Variants in TUT4 observed in about 807,000 individuals in gnomAD.
The protein encoded by TUT4 is terminal uridylyl transferase 4.
In TUT4, 36 loss-of-function variants were observed where a neutral mutation model predicts 192.2. That is an observed-to-expected ratio of 0.19 (90% CI 0.14 to 0.25). The LOEUF is 0.25. Among genes scored for constraint, TUT4 ranks in the 10% least tolerant of loss-of-function variants. The probability of loss-of-function intolerance (pLI) is 1.00; values close to 1 mark genes in which losing one functional copy is unlikely to be tolerated. For synonymous variants in TUT4, 618 were observed against 666.0 expected, an observed-to-expected ratio of 0.93 and a Z score of 1.11; for missense variants, 1,493 against 1,957.2, an observed-to-expected ratio of 0.76 and a Z score of 4.47.
chr1:52,512,548 G>A (rs1253006822), intron 3 of TUT4, among the ~76,000 whole-genome samples: 1 of 152,042 alleles, frequency 6.6e-6, no homozygotes, highest in East Asian at 1.9e-4. Context: ...TTCGTGCAAG[G>A]CACATATTGG....
rs71579929 is a variant in TUT4 at position 52,466,645 on chromosome 1, CAAA to C, written c.2966-1475_2966-1473del. On this transcript the variant is annotated intron_variant, in intron 15 of 29. Coordinates refer to ENST00000257177, the MANE Select transcript of TUT4 (RefSeq NM_001009881.3). ...CGGGTGACAGAGTAATATCCTATTT[CAAA>C]AAAAAAAAAAAATATATATATATAT... Among the ~76,000 whole-genome samples the C allele has an allele frequency of 4.8e-3, 569 of 118,302 alleles. 2 individuals carry two copies. Among genetic ancestry groups the C allele is most frequent in the South Asian group, 0.013 (47 of 3,690 alleles). 77.6% of individuals were successfully genotyped at this position (118,302 alleles called of 152,430 possible).
rs753033344 is a variant in TUT4, at chr1:52,477,785, T to C, written c.1946A>G (p.Tyr649Cys). 5.6e-6 allele frequency: 9 copies of C among 1,613,956 alleles called. No homozygotes were observed. The highest frequency in any genetic ancestry group is 7.6e-6 in the Non-Finnish European group (9 of 1,179,980). The change falls in exon 12 of 30, where the codon TAT becomes TGT. Residue 649 changes from tyrosine (Y) to cysteine (C), a missense_variant. By Grantham distance (194) the Tyr-to-Cys change is radical. This residue lies in a region of TUT4 where 437 missense variants were observed against 577.6 expected (regional missense o/e 0.76). Coordinates refer to ENST00000257177, the MANE Select transcript of TUT4 (RefSeq NM_001009881.3). ...FYTLDFALEE[Y>C]VICVRIQDIL... ...ATCTTGTATCCGTACACATATGACATATTCCTCCAAAGCAAAATCCAGTGT... is the reference window on the plus strand; with the variant it reads ...ATCTTGTATCCGTACACATATGACACATTCCTCCAAAGCAAAATCCAGTGT...
chr1:52,532,482 TA>T (rs1557983692), intron 1 of TUT4, among the ~76,000 whole-genome samples: 1 of 151,952 alleles, frequency 6.6e-6, no homozygotes, highest in African/African-American at 2.4e-5. Flanking sequence ...GGCAATTTTT[TA>T]AAAAATTTTA....
chr1:52,463,195 G>GAAGTTT lies in TUT4; in HGVS notation c.3070-1432_3070-1427dup, dbSNP rs1266028829. The stretch of plus-strand genomic sequence containing the variant: ...ATAATATACAAACCCTTAGTGATTA[G>GAAGTTT]AAGTTTAATAAATTTTACATAGAAG... On this transcript the variant is annotated intron_variant, in intron 16 of 29. Transcript: ENST00000257177. 1.4e-5 allele frequency: 14 copies of GAAGTTT among 983,952 alleles called. No homozygotes were observed. In the Admixed American group the frequency reaches 1.8e-4, roughly 13 times the overall value. 61.0% of individuals were successfully genotyped at this position (983,952 alleles called of 1,614,324 possible).
intron 1 of TUT4, among the ~76,000 whole-genome samples, chr1:52,531,885 CTTTTTTTTT>C (rs1158088077): frequency 0.1 from 8,108 of 80,162 alleles, 223 homozygotes; most frequent in East Asian, 0.21. Flanking sequence ...CTTTTCTCAT[CTTTTTTTTT>C]TTTTTTTTTT....
chr1:52,497,081 T>C lies in TUT4; in HGVS notation c.1102A>G (p.Ile368Val), dbSNP rs1469008124. 2 of 1,614,126 alleles carry C rather than the reference T, an allele frequency of 1.2e-6. No homozygotes were observed. Among genetic ancestry groups the C allele is most frequent in the Non-Finnish European group, 8.5e-7 (1 of 1,179,982 alleles). ...CGGACTCTGAGGTCATCATCTGTTA[T>C]TCCATGTTCTTTTGCTAATTCAATG... ...AVIELAKEHG[I>V]TDDDLRVRQE... Residue 368 changes from isoleucine (I) to valine (V), a missense_variant, in exon 5 of 30, where the codon ATA (isoleucine) becomes GTA (valine). Coordinates refer to ENST00000257177, the MANE Select transcript of TUT4 (RefSeq NM_001009881.3).
At chr1:52,455,253 T>C (rs1355370620) in intron 20 of TUT4, among the ~76,000 whole-genome samples, 2 of 152,052 alleles carry the variant, frequency 1.3e-5, no homozygotes, top group Admixed American at 1.3e-4. Flanking sequence ...CACTGTAATC[T>C]AGCGTGGACA....
At chr1:52,477,582 TAAAG>T in intron 12 of TUT4, 122 bp downstream of exon 12, 1 of 981,722 alleles carries the variant, frequency 1.0e-6, no homozygotes, top group Non-Finnish European at 1.4e-6. Context: ...AAATTAAAAA[TAAAG>T]AATGACAATC....
chr1:52,455,839 C>T (rs1660775992), intron 20 of TUT4, among the ~76,000 whole-genome samples: 1 of 152,034 alleles, frequency 6.6e-6, no homozygotes, highest in Non-Finnish European at 1.5e-5. Context: ...TCACACATTG[C>T]TGGTAGAAAT....
At chr1:52,444,125 A>C (rs1208308498) in intron 24 of TUT4, among the ~76,000 whole-genome samples, 1 of 151,314 alleles carries the variant, frequency 6.6e-6, no homozygotes, top group East Asian at 2.0e-4. Context: ...GGTCCCTGCT[A>C]CTCTCGGCTG....
chr1:52,437,269 C>G lies in TUT4; in HGVS notation c.3939-291G>C, dbSNP rs1305978633. On this transcript the variant is annotated intron_variant, in intron 25 of 29. Transcript: ENST00000257177. ...CTCCAGTTTTAAAAAGAAATTGAGGCTTAGAGAAGATAAGTGTCTTGACTA... is the reference window on the plus strand; with the variant it reads ...CTCCAGTTTTAAAAAGAAATTGAGGGTTAGAGAAGATAAGTGTCTTGACTA... 6 of 267,090 alleles carry G rather than the reference C, an allele frequency of 2.2e-5. No individual in the cohort carries two copies. In the East Asian group the frequency reaches 3.9e-4, roughly 17 times the overall value. The allele number at this position is 267,090 out of a possible 1,614,324, so 16.5% of individuals were successfully genotyped here.
Position 52,477,871 on chromosome 1 carries a change from T to C in TUT4, c.1860A>G (p.Ala620=), listed in dbSNP as rs370694433. Residue 620 remains alanine, a synonymous_variant, in exon 12 of 30, where the codon GCA becomes GCG. Transcript: ENST00000257177. ...MKEKHGKSPL[A]LETPNRVSLG... Reference sequence around the variant, plus strand: ...AGGATACCCGATTTGGTGTTTCCAATGCTAAAGGAGACTGGAAAAGAAAAA... The same window carrying C: ...AGGATACCCGATTTGGTGTTTCCAACGCTAAAGGAGACTGGAAAAGAAAAA... 40 of 1,586,896 alleles carry C rather than the reference T, an allele frequency of 2.5e-5. No individual in the cohort carries two copies. Among genetic ancestry groups the C allele is most frequent in the Non-Finnish European group, 3.3e-5 (39 of 1,171,592 alleles).
intron 19 of TUT4, 102 bp downstream of exon 19, chr1:52,461,032 A>C (rs1048704056): frequency 2.2e-6 from 2 of 919,886 alleles, no homozygotes; most frequent in Non-Finnish European, 3.2e-6. Flanking sequence ...TTAAAAGCTC[A>C]GATAAACAAA....
intron 20 of TUT4, among the ~76,000 whole-genome samples, chr1:52,456,374 T>A (rs1660934286): frequency 1.7e-5 from 2 of 119,060 alleles, no homozygotes; most frequent in Admixed American, 2.4e-4. Context: ...ATCATGCCAC[T>A]GCACTCCAGC....
chr1:52,481,454 T>C lies in TUT4; in HGVS notation c.1817A>G (p.Gln606Arg), dbSNP rs769902645. The C allele has an allele frequency of 1.9e-6, 3 of 1,614,036 alleles. No homozygotes were observed. The highest frequency in any genetic ancestry group is 2.2e-5 in the East Asian group (1 of 44,844). Residue 606 changes from glutamine (Q) to arginine (R), a missense_variant, in exon 11 of 30, where the codon CAA becomes CGA. Physicochemically the swap from Gln to Arg is conservative, Grantham distance 43 (BLOSUM62 1). Coordinates refer to ENST00000257177, the MANE Select transcript of TUT4 (RefSeq NM_001009881.3). The stretch of plus-strand genomic sequence containing the variant: ...ATGTTTTTCCTTCATGGCATTACTT[T>C]GGTTGTCTGTTTCTGTCTTCTTGGT... Reference protein sequence around the residue: ...DDTKKTETDNQSNAMKEKHGK... With the variant: ...DDTKKTETDNRSNAMKEKHGK...
rs75603484 is a variant in TUT4 at position 52,514,136 on chromosome 1, A to C, written c.882+1755T>G. On this transcript the variant is annotated intron_variant, in intron 3 of 29. Coordinates refer to ENST00000257177, the MANE Select transcript of TUT4 (RefSeq NM_001009881.3). ...TTCCAGAGGAAAAGTGAAAGAACTA[A>C]GTAAAGACATAACTAAGTAAAAGGC... Among the ~76,000 whole-genome samples, 62 of 152,260 alleles carry C rather than the reference A, an allele frequency of 4.1e-4. 1 individual carries two copies. In the East Asian group the frequency reaches 7.3e-3, roughly 18 times the overall value.
At chr1:52,523,363 T>C (rs1680819104) in intron 2 of TUT4, among the ~76,000 whole-genome samples, 1 of 152,088 alleles carries the variant, frequency 6.6e-6, no homozygotes. Context: ...CCCAGCACTT[T>C]GGGAGGTCAA....
chr1:52,510,088 G>A (rs1676695580), intron 3 of TUT4, among the ~76,000 whole-genome samples: 1 of 152,062 alleles, frequency 6.6e-6, no homozygotes, highest in Non-Finnish European at 1.5e-5. Flanking sequence ...GACGCTGGCA[G>A]ATCACTTGAG....
intron 1 of TUT4, among the ~76,000 whole-genome samples, chr1:52,534,580 C>T (rs536427808): frequency 2.0e-5 from 3 of 151,608 alleles, no homozygotes; most frequent in South Asian, 2.1e-4. Context: ...GGGCCAGGCA[C>T]GGTGCTTCAT....
Sources: allele counts gnomAD v4.1 joint callset (sites outside exome capture counted in the v4.1 genomes callset), GRCh38; gene constraint gnomAD v4.1.1; regional missense constraint gnomAD v4.1.1; transcripts MANE v1.5; gene names NCBI Gene and HGNC (gene_info 2026-07-23, HGNC 2026-07-21).